Variants in NRCAM observed in about 807,000 individuals in gnomAD.
The protein encoded by NRCAM is neuronal cell adhesion molecule.
A neutral mutation model predicts 156.5 loss-of-function variants in NRCAM; 83 were observed. The ratio of observed to expected loss-of-function variants is 0.53; its 90% CI spans 0.44 to 0.64. The LOEUF (loss-of-function observed/expected upper bound fraction) is 0.64, where lower values mean the gene tolerates loss of function less well. Ranked by LOEUF, NRCAM falls within the 30% of genes least tolerant of loss-of-function variation. The pLI is 0.00. For synonymous variants in NRCAM, 538 were observed against 563.9 expected (o/e 0.95, Z 0.65); for missense variants, 1,417 against 1,597.3 (o/e 0.89, Z 1.92).
intron 28 of NRCAM, among the ~76,000 whole-genome samples, chr7:108,169,426 G>C (rs530518325): frequency 6.6e-6 from 1 of 152,072 alleles, no homozygotes; most frequent in South Asian, 2.1e-4. Context: ...AGCATCAATA[G>C]GTTTACCAAG....
rs74655227 is a variant in NRCAM at position 108,242,797 on chromosome 7, T to C, written c.-106-2627A>G. Among the ~76,000 whole-genome samples, 17 of 152,274 alleles carry C rather than the reference T, an allele frequency of 1.1e-4. No homozygotes were observed. In the East Asian group the frequency reaches 2.9e-3, roughly 26 times the overall value. On this transcript the variant is annotated intron_variant, in intron 3 of 32. Coordinates refer to ENST00000379028, the MANE Select transcript of NRCAM (RefSeq NM_001037132.4). ...ACTTTCCAATAGATGTACTAATAAA[T>C]TGTAACACTTGTAAGATCTTAAACA... is the stretch of plus-strand genomic sequence containing the variant.
At chr7:108,242,533 GT>G (rs1214386130) in intron 3 of NRCAM, among the ~76,000 whole-genome samples, 1 of 152,110 alleles carries the variant, frequency 6.6e-6, no homozygotes, top group Non-Finnish European at 1.5e-5. Context: ...TAGGTCTCTC[GT>G]GAGTTTTTGG....
chr7:108,321,621 T>C (rs2099002299), intron 2 of NRCAM, among the ~76,000 whole-genome samples: 1 of 152,154 alleles, frequency 6.6e-6, no homozygotes, highest in South Asian at 2.1e-4. Context: ...GGCCCCTTGT[T>C]TTTATAGGTC....
chr7:108,260,419 A>G (rs1200395102), intron 3 of NRCAM, among the ~76,000 whole-genome samples: 2 of 152,164 alleles, frequency 1.3e-5, no homozygotes, highest in Non-Finnish European at 1.5e-5. Context: ...GGGAGGAATG[A>G]GGTACAAGGG....
chr7:108,167,214 TGTA>T, intron 29 of NRCAM, 141 bp from the exon 30 acceptor site: 1 of 626,686 alleles, frequency 1.6e-6, no homozygotes, highest in Non-Finnish European at 2.7e-6. Flanking sequence ...TTATTATAAA[TGTA>T]GTCATGTCAA....
intron 11 of NRCAM, among the ~76,000 whole-genome samples, chr7:108,219,891 C>T (rs540611363): frequency 9.4e-4 from 143 of 152,064 alleles, no homozygotes; most frequent in Admixed American, 3.5e-3. Flanking sequence ...TATCCAAATT[C>T]GTAAAGAGGA....
At chr7:108,232,303 T>A (rs779950904) in intron 7 of NRCAM, 23 bp downstream of exon 7, 3 of 1,559,726 alleles carry the variant, frequency 1.9e-6, no homozygotes, top group Non-Finnish European at 2.6e-6. Flanking sequence ...AAGGGTCATG[T>A]TGGTTGACAA....
At chr7:108,339,296 T>G (rs537870973) in intron 2 of NRCAM, among the ~76,000 whole-genome samples, 2 of 152,312 alleles carry the variant, frequency 1.3e-5, no homozygotes, top group East Asian at 3.9e-4. Context: ...GAGACTCTTG[T>G]GGAAGCAGAG....
chr7:108,239,221 T>C (rs913010604), intron 4 of NRCAM, among the ~76,000 whole-genome samples: 18 of 152,124 alleles, frequency 1.2e-4, no homozygotes, highest in Non-Finnish European at 7.4e-5. Context: ...GAGAGCACAG[T>C]ATATATTTAC....
intron 3 of NRCAM, among the ~76,000 whole-genome samples, chr7:108,248,419 T>A (rs1293584595): frequency 6.6e-6 from 1 of 152,016 alleles, no homozygotes. Flanking sequence ...TGTGTACTCC[T>A]TTCCTAATGA....
At chr7:108,274,599 G>A (rs1232226743) in intron 3 of NRCAM, among the ~76,000 whole-genome samples, 2 of 152,312 alleles carry the variant, frequency 1.3e-5, no homozygotes, top group Admixed American at 1.3e-4. Flanking sequence ...TGTATCCTGA[G>A]ACTTTGCGGA....
intron 30 of NRCAM, among the ~76,000 whole-genome samples, chr7:108,162,888 A>T (rs73412391): frequency 0.019 from 2,839 of 152,338 alleles, 102 homozygotes; most frequent in African/African-American, 0.064. Context: ...TTCCATCCAT[A>T]AAAGAAAAGA....
At chr7:108,151,852 T>A (rs1241349420) in intron 32 of NRCAM, among the ~76,000 whole-genome samples, 1 of 152,192 alleles carries the variant, frequency 6.6e-6, no homozygotes, top group East Asian at 1.9e-4. Flanking sequence ...GCAGAATTTG[T>A]CACCTGGATT....
At chr7:108,273,042 C>T (rs1377896173) in intron 3 of NRCAM, among the ~76,000 whole-genome samples, 2 of 152,138 alleles carry the variant, frequency 1.3e-5, no homozygotes, top group African/African-American at 4.8e-5. Flanking sequence ...ATGATGGTTT[C>T]CAGCTTCATC....
chr7:108,218,746 C>T (rs1345331551), intron 11 of NRCAM, among the ~76,000 whole-genome samples: 1 of 152,124 alleles, frequency 6.6e-6, no homozygotes, highest in African/African-American at 2.4e-5. Flanking sequence ...TAAACGCCTA[C>T]ATCGAAAAGA....
At chr7:108,327,929 G>A (rs572677027) in intron 2 of NRCAM, among the ~76,000 whole-genome samples, 60 of 152,224 alleles carry the variant, frequency 3.9e-4, no homozygotes, top group Non-Finnish European at 7.4e-4. Context: ...CAGAAAATAA[G>A]GGAGAATAAG....
At chr7:108,365,087 A>C (rs2099583742) in intron 2 of NRCAM, among the ~76,000 whole-genome samples, 1 of 152,210 alleles carries the variant, frequency 6.6e-6, no homozygotes, top group Non-Finnish European at 1.5e-5. Context: ...GGTGCTGGGG[A>C]GTATAATCTT....
intron 2 of NRCAM, among the ~76,000 whole-genome samples, chr7:108,376,708 G>A (rs1229267339): frequency 6.6e-6 from 1 of 152,150 alleles, no homozygotes; most frequent in South Asian, 2.1e-4. Context: ...GGACAGTATG[G>A]GAAAACTGGG....
intron 3 of NRCAM, among the ~76,000 whole-genome samples, chr7:108,289,884 G>A (rs2154116837): frequency 6.6e-6 from 1 of 152,258 alleles, no homozygotes; most frequent in South Asian, 2.1e-4. Context: ...CTGTATTGCA[G>A]TGAATCCTTC....
Sources: gnomAD v4.1 joint callset for allele counts (sites outside exome capture counted in the v4.1 genomes callset) on GRCh38, gnomAD v4.1.1 for gene constraint, MANE v1.5 for transcripts, NCBI Gene and HGNC (gene_info 2026-07-23, HGNC 2026-07-21) for gene names.